Variants in ENOX2 observed in about 807,000 individuals in gnomAD.
ENOX2 encodes ecto-NOX disulfide-thiol exchanger 2.
Under a neutral mutation model 45.0 loss-of-function variants are expected in ENOX2, and 36 were observed. The observed-to-expected ratio is 0.80, with a 90% CI of 0.61 to 1.06. The LOEUF (loss-of-function observed/expected upper bound fraction) is 1.06, where lower values mean the gene tolerates loss of function less well. Ranked by LOEUF, ENOX2 falls within the 50% of genes least tolerant of loss-of-function variation. The pLI, the probability that ENOX2 is intolerant of heterozygous loss-of-function variation, is 0.00. For synonymous variants in ENOX2, 174 were observed against 152.3 expected, an observed-to-expected ratio of 1.14 and a Z score of -1.05; for missense variants, 423 against 462.5, an observed-to-expected ratio of 0.91 and a Z score of 0.78.
intron 2 of ENOX2, among the ~76,000 whole-genome samples, chrX:130,816,413 C>T (rs773288197): frequency 1.8e-5 from 2 of 111,552 alleles, no homozygotes; most frequent in Non-Finnish European, 3.8e-5. Context: ...CTGGACCAAG[C>T]AGCCCTATTA....
intron 2 of ENOX2, among the ~76,000 whole-genome samples, chrX:130,898,362 C>T (rs113739648): frequency 9.8e-5 from 11 of 111,899 alleles, no homozygotes; most frequent in Middle Eastern, 4.6e-3. Context: ...AATAAAAATA[C>T]GCAAAAGGTT....
At chrX:130,850,195 A>G (rs1469274846) in intron 2 of ENOX2, among the ~76,000 whole-genome samples, 1 of 111,598 alleles carries the variant, frequency 9.0e-6, no homozygotes, top group Non-Finnish European at 1.9e-5. Flanking sequence ...CTTTTTGGGG[A>G]AAACAAAATA....
intron 2 of ENOX2, among the ~76,000 whole-genome samples, chrX:130,890,201 C>T (rs1040286390): frequency 9.0e-6 from 1 of 111,458 alleles, no homozygotes; most frequent in East Asian, 2.8e-4. Context: ...AGGAATATGA[C>T]TGACAGAGTG....
At chrX:130,868,867 T>C (rs928646826) in intron 2 of ENOX2, among the ~76,000 whole-genome samples, 4 of 111,602 alleles carry the variant, frequency 3.6e-5, no homozygotes, top group Non-Finnish European at 7.5e-5. Flanking sequence ...TTGATACCTC[T>C]ATTCATCCAG....
intron 3 of ENOX2, among the ~76,000 whole-genome samples, chrX:130,753,287 C>T (rs1393883834): frequency 1.8e-5 from 2 of 110,641 alleles, no homozygotes; most frequent in African/African-American, 6.6e-5. Context: ...CCTTGTTCCT[C>T]ACTGCTGTCT....
At chrX:130,631,334 C>T (rs2035707314) in intron 13 of ENOX2, 134 bp downstream of exon 13, 1 of 475,724 alleles carries the variant, frequency 2.1e-6, no homozygotes, top group African/African-American at 2.4e-5. Flanking sequence ...AACCTATCAT[C>T]TTCAGAACTC....
At chrX:130,668,723 G>T (rs1161322108) in intron 7 of ENOX2, among the ~76,000 whole-genome samples, 1 of 112,023 alleles carries the variant, frequency 8.9e-6, no homozygotes, top group African/African-American at 3.2e-5. Flanking sequence ...CTTGCCTCTT[G>T]CCCCTTTTTC....
chrX:130,768,953 G>C (rs1264339151), intron 3 of ENOX2, among the ~76,000 whole-genome samples: 3 of 111,233 alleles, frequency 2.7e-5, no homozygotes, highest in Admixed American at 9.6e-5. Flanking sequence ...ATCGGTCTAA[G>C]ATTCATAGTC....
At chrX:130,850,806 C>A in intron 2 of ENOX2, among the ~76,000 whole-genome samples, 1 of 112,472 alleles carries the variant, frequency 8.9e-6, no homozygotes, top group Middle Eastern at 4.6e-3. Flanking sequence ...ATTTTCTCTG[C>A]CCCCTATTCC....
chrX:130,693,651 T>C (rs1430798148), intron 4 of ENOX2, among the ~76,000 whole-genome samples: 1 of 112,097 alleles, frequency 8.9e-6, no homozygotes, highest in Admixed American at 9.4e-5. Context: ...CAACAAAATG[T>C]TTACATACAA....
At chrX:130,662,983 AG>A (rs35330293) in intron 9 of ENOX2, among the ~76,000 whole-genome samples, 1 of 112,076 alleles carries the variant, frequency 8.9e-6, no homozygotes, top group Non-Finnish European at 1.9e-5. Flanking sequence ...CACTCTGCCA[AG>A]GAAGTTTTGT....
intron 5 of ENOX2, among the ~76,000 whole-genome samples, chrX:130,688,098 A>G (rs952800158): frequency 6.2e-5 from 7 of 112,284 alleles, no homozygotes; most frequent in Admixed American, 5.7e-4. Flanking sequence ...CTATGGAAAA[A>G]TCATTAATGA....
chrX:130,811,402 A>T (rs771367816), intron 2 of ENOX2, among the ~76,000 whole-genome samples: 1 of 112,036 alleles, frequency 8.9e-6, no homozygotes, highest in South Asian at 3.7e-4. Flanking sequence ...CAGATACGCC[A>T]CAGTGAATCC....
At chrX:130,751,330 C>G (rs2039216186) in intron 3 of ENOX2, among the ~76,000 whole-genome samples, 1 of 112,111 alleles carries the variant, frequency 8.9e-6, no homozygotes, top group Non-Finnish European at 1.9e-5. Context: ...TTCTTTCTCT[C>G]AGAATAATGT....
chrX:130,626,465 C>T (rs764695757), intron 14 of ENOX2, among the ~76,000 whole-genome samples: 5 of 112,073 alleles, frequency 4.5e-5, no homozygotes, highest in Non-Finnish European at 9.4e-5. Flanking sequence ...TGGGATTGTG[C>T]GTGGTAACTT....
intron 9 of ENOX2, among the ~76,000 whole-genome samples, chrX:130,659,985 T>C (rs1362065236): frequency 8.9e-6 from 1 of 112,230 alleles, no homozygotes; most frequent in Non-Finnish European, 1.9e-5. Flanking sequence ...CAAAAATCCC[T>C]GGAAATATAA....
Position 130,703,189 on chromosome X carries a change from C to A in ENOX2, c.28G>T (p.Ala10Ser). MTLPMSDPT[A>S]WATAMNNLGM... is the part of the protein sequence containing the mutation. ...AGATTATTCATTGCTGTGGCCCATGCAGTTGGATCAGACATAGGTAGTGTC... is the reference window on the plus strand; with the variant it reads ...AGATTATTCATTGCTGTGGCCCATGAAGTTGGATCAGACATAGGTAGTGTC... The change falls in exon 4 of 15, where the codon GCA becomes TCA. Residue 10 changes from alanine to serine, a missense_variant. Ala to Ser is a moderately conservative substitution (Grantham distance 99). Around this residue, in one of 5 missense-constraint regions of ENOX2, gnomAD observed 261 missense variants for 306.8 expected, o/e 0.85. Coordinates refer to ENST00000394363, the MANE Select transcript of ENOX2 (RefSeq NM_006375.4). The A allele has an allele frequency of 8.3e-7, 1 of 1,205,412 alleles. No individual in the cohort carries two copies. The highest frequency in any genetic ancestry group is 1.1e-6 in the Non-Finnish European group (1 of 890,177).
chrX:130,702,962 A>G (rs2037938149), intron 4 of ENOX2, among the ~76,000 whole-genome samples, 158 bp downstream of exon 4: 1 of 112,376 alleles, frequency 8.9e-6, no homozygotes, highest in Non-Finnish European at 1.9e-5. Flanking sequence ...ACTAGTAACT[A>G]CTGGCCACCC....
intron 3 of ENOX2, among the ~76,000 whole-genome samples, chrX:130,752,881 A>T (rs1003641135): frequency 4.6e-5 from 5 of 108,941 alleles, no homozygotes; most frequent in Non-Finnish European, 9.6e-5. Flanking sequence ...CTCTATGATG[A>T]TCTGTCTCTG....
Sources: gnomAD v4.1 joint callset for allele counts (sites outside exome capture counted in the v4.1 genomes callset) on GRCh38, gnomAD v4.1.1 for gene constraint, gnomAD v4.1.1 regional missense constraint, MANE v1.5 for transcripts, NCBI Gene and HGNC (gene_info 2026-07-23, HGNC 2026-07-21) for gene names.